MINDY4: variants seen among roughly 807,000 people sequenced by gnomAD.
The protein encoded by MINDY4 is probable ubiquitin carboxyl-terminal hydrolase MINDY-4.
A neutral mutation model predicts 87.0 loss-of-function variants in MINDY4; 68 were observed. The ratio of observed to expected loss-of-function variants is 0.78; its 90% CI spans 0.64 to 0.96. MINDY4 has a LOEUF of 0.96. Ranked by LOEUF, MINDY4 falls within the 40% of genes least tolerant of loss-of-function variation. The pLI, the probability that MINDY4 is intolerant of heterozygous loss-of-function variation, is 0.00. For missense variants in MINDY4, 919 were observed against 928.2 expected, an observed-to-expected ratio of 0.99 and a Z score of 0.13; for synonymous variants, 379 against 363.2, an observed-to-expected ratio of 1.04 and a Z score of -0.50.
At chr7:30,806,784 G>T (rs1319558827) in intron 5 of MINDY4, among the ~76,000 whole-genome samples, 3 of 152,248 alleles carry the variant, frequency 2.0e-5, no homozygotes, top group Non-Finnish European at 4.4e-5. Flanking sequence ...GCTCTGGAGG[G>T]TGAGGCAGAT....
At chr7:30,879,532 C>T (rs1186517603) in intron 15 of MINDY4, among the ~76,000 whole-genome samples, 1 of 152,254 alleles carries the variant, frequency 6.6e-6, no homozygotes, top group Non-Finnish European at 1.5e-5. Flanking sequence ...CTGCACCTGC[C>T]TTCCTCTCCC....
intron 17 of MINDY4, among the ~76,000 whole-genome samples, chr7:30,885,897 C>T (rs767309519): frequency 1.3e-5 from 2 of 152,184 alleles, no homozygotes; most frequent in Non-Finnish European, 2.9e-5. Flanking sequence ...CCACTTCCCC[C>T]ATCAATCCCC....
At chr7:30,875,743 C>G (rs1790239008) in intron 15 of MINDY4, 87 bp downstream of exon 15, 6 of 1,436,136 alleles carry the variant, frequency 4.2e-6, no homozygotes, top group Non-Finnish European at 5.7e-6. Context: ...AAGCTGGACT[C>G]CACTTCTCAG....
intron 9 of MINDY4, among the ~76,000 whole-genome samples, chr7:30,844,042 C>T (rs950925715): frequency 6.6e-6 from 1 of 152,122 alleles, no homozygotes; most frequent in African/African-American, 2.4e-5. Context: ...AGGAGAGTGA[C>T]CTCGCTTTTG....
At chr7:30,883,409 A>T (rs1790531430) in intron 17 of MINDY4, among the ~76,000 whole-genome samples, 1 of 152,112 alleles carries the variant, frequency 6.6e-6, no homozygotes, top group Non-Finnish European at 1.5e-5. Flanking sequence ...TGGGGGTGGC[A>T]GGAGGTGCTG....
intron 13 of MINDY4, among the ~76,000 whole-genome samples, chr7:30,863,442 T>C (rs1789829839): frequency 6.6e-6 from 1 of 152,048 alleles, no homozygotes; most frequent in Non-Finnish European, 1.5e-5. Flanking sequence ...GTGTTGGAGA[T>C]TGTGTGAAGG....
chr7:30,827,389 G>A lies in MINDY4; in HGVS notation c.1074-1290G>A, dbSNP rs58867640. Among the ~76,000 whole-genome samples the A allele has an allele frequency of 4.4e-3, 670 of 152,290 alleles. 10 individuals carry two copies. The highest frequency in any genetic ancestry group is 0.016 in the African/African-American group (648 of 41,548). On this transcript the variant is annotated intron_variant, in intron 5 of 17. Transcript: ENST00000265299. Reference sequence around the variant, plus strand: ...TGCAGAGCAGGCGGAGGTGGGAGAAGTGTGGCTGGAAGAGGCTTCTGATGG... The same window carrying A: ...TGCAGAGCAGGCGGAGGTGGGAGAAATGTGGCTGGAAGAGGCTTCTGATGG...
In MINDY4 at chr7:30,882,371, C is replaced by A. The variant is rs375487976; in HGVS notation, c.2152+10C>A. The A allele has an allele frequency of 1.5e-4, 234 of 1,526,386 alleles. No individual in the cohort carries two copies. Among genetic ancestry groups the A allele is most frequent in the Non-Finnish European group, 2.1e-5 (24 of 1,130,470 alleles). The allele number at this position is 1,526,386 out of a possible 1,614,324, so 94.6% of individuals were successfully genotyped here. A position where few individuals can be genotyped will look rare whatever the true frequency, so the allele number is the denominator to read the frequency against. ...ATCCGGCTGACCATTGGTGCGGGCC[C>A]TCACCCCCCCACCCACCCAACCCTG... On this transcript the variant is annotated intron_variant, in intron 16 of 17. Coordinates refer to ENST00000265299, the MANE Select transcript of MINDY4 (RefSeq NM_032222.3).
At chr7:30,812,305 A>G (rs1033542829) in intron 5 of MINDY4, among the ~76,000 whole-genome samples, 1 of 151,824 alleles carries the variant, frequency 6.6e-6, no homozygotes, top group African/African-American at 2.4e-5. Context: ...CATTGAGAGA[A>G]AAAAAAAGTA....
chr7:30,797,138 C>T (rs896103766), intron 5 of MINDY4, among the ~76,000 whole-genome samples: 1 of 152,174 alleles, frequency 6.6e-6, no homozygotes, highest in African/African-American at 2.4e-5. Context: ...TCAAGGTCCC[C>T]ATCCCTGGAG....
chr7:30,847,630 G>C (rs1789263871), intron 9 of MINDY4, among the ~76,000 whole-genome samples: 1 of 152,134 alleles, frequency 6.6e-6, no homozygotes. Flanking sequence ...TCCCTCATAG[G>C]GTTGCTTTAA....
intron 12 of MINDY4, chr7:30,857,926 T>C (rs1253384531): frequency 2.0e-5 from 3 of 152,426 alleles, no homozygotes; most frequent in Non-Finnish European, 4.4e-5. Context: ...CTGCAATAGT[T>C]ACCATAGTAG....
At chr7:30,795,115 G>A (rs968814727) in intron 5 of MINDY4, among the ~76,000 whole-genome samples, 1 of 152,224 alleles carries the variant, frequency 6.6e-6, no homozygotes, top group South Asian at 2.1e-4. Flanking sequence ...GGGGTGTGCT[G>A]GCCTGTCATT....
At chr7:30,852,522 A>G (rs1789444448) in intron 11 of MINDY4, among the ~76,000 whole-genome samples, 1 of 148,178 alleles carries the variant, frequency 6.7e-6, no homozygotes, top group South Asian at 2.1e-4. Context: ...GGGTGTGCAG[A>G]GCTGAAGTCT....
At chr7:30,877,901 A>G (rs1364997634) in intron 15 of MINDY4, among the ~76,000 whole-genome samples, 1 of 126,264 alleles carries the variant, frequency 7.9e-6, no homozygotes, top group Non-Finnish European at 1.6e-5. Context: ...GCTGGTCTTG[A>G]ACTCCTGACC....
rs143907640 is a variant in MINDY4, at chr7:30,862,862, ATGTT to A, written c.1745+3542_1745+3545del. On this transcript the variant is annotated intron_variant, in intron 13 of 17. Coordinates refer to ENST00000265299, the MANE Select transcript of MINDY4 (RefSeq NM_032222.3). The stretch of plus-strand genomic sequence containing the variant: ...GGTTAGTCTGGTGCTTTTTTAAACT[ATGTT>A]TGTAATGAAAACAAAATCTGATTTT... 5.9e-3 allele frequency among the ~76,000 whole-genome samples: 899 copies of A among 152,286 alleles called. 8 individuals are homozygous for A. Among genetic ancestry groups the A allele is most frequent in the African/African-American group, 0.021 (873 of 41,562 alleles).
chr7:30,779,130 G>T (rs996789094), intron 2 of MINDY4, among the ~76,000 whole-genome samples: 1 of 152,128 alleles, frequency 6.6e-6, no homozygotes, highest in African/African-American at 2.4e-5. Flanking sequence ...GCTATTATAG[G>T]CTTTCATGGC....
At chr7:30,840,668 C>T in intron 8 of MINDY4, 92 bp from the exon 9 acceptor site, 1 of 1,054,908 alleles carries the variant, frequency 9.5e-7, no homozygotes, top group Non-Finnish European at 1.4e-6. Context: ...CCCCTTTACT[C>T]TATCAGGTGG....
intron 5 of MINDY4, among the ~76,000 whole-genome samples, chr7:30,801,982 A>G (rs1020325261): frequency 2.6e-5 from 4 of 152,162 alleles, no homozygotes; most frequent in African/African-American, 9.7e-5. Flanking sequence ...GAGTCCTGGG[A>G]TACAGGCTGG....
Sources: gnomAD v4.1 joint callset for allele counts (sites outside exome capture counted in the v4.1 genomes callset) on GRCh38, gnomAD v4.1.1 for gene constraint, MANE v1.5 for transcripts, NCBI Gene and HGNC (gene_info 2026-07-23, HGNC 2026-07-21) for gene names.